Variants in ATRNL1 observed in about 807,000 individuals in gnomAD.
The protein encoded by ATRNL1 is attractin-like protein 1.
ATRNL1 carries 95 observed loss-of-function variants against 182.7 expected under a neutral mutation model. That is an observed-to-expected ratio of 0.52 (90% CI 0.44 to 0.62). The LOEUF (loss-of-function observed/expected upper bound fraction) is 0.62. Among genes scored for constraint, ATRNL1 ranks in the 20% least tolerant of loss-of-function variants. The probability of loss-of-function intolerance (pLI) is 0.00; values close to 1 mark genes in which losing one functional copy is unlikely to be tolerated. For missense variants in ATRNL1, 1,471 were observed against 1,679.5 expected (o/e 0.88, Z 2.17); for synonymous variants, 576 against 568.3 (o/e 1.01, Z -0.19).
chr10:115,334,684 CACCT>C (rs575096036), intron 19 of ATRNL1, among the ~76,000 whole-genome samples: 288 of 151,990 alleles, frequency 1.9e-3, no homozygotes, highest in Non-Finnish European at 3.4e-3. Context: ...AAAGAAAAAA[CACCT>C]ACTATCTCAC....
intron 19 of ATRNL1, among the ~76,000 whole-genome samples, chr10:115,371,336 C>CT (rs34312992): frequency 0.22 from 33,131 of 152,058 alleles, 4,615 homozygotes; most frequent in Non-Finnish European, 0.31. Flanking sequence ...TCACCAACAG[C>CT]TGGCACCCTG....
chr10:115,394,613 G>A, intron 19 of ATRNL1, 46 bp from the exon 20 acceptor site: 1 of 1,363,654 alleles, frequency 7.3e-7, no homozygotes, highest in Non-Finnish European at 1.0e-6. Flanking sequence ...AAATGTGCAT[G>A]TTTGTGATGT....
At chr10:115,327,804 A>C (rs1178584770) in intron 18 of ATRNL1, among the ~76,000 whole-genome samples, 3 of 152,084 alleles carry the variant, frequency 2.0e-5, no homozygotes, top group African/African-American at 7.2e-5. Flanking sequence ...ATGAAATTGG[A>C]AATCATCATT....
chr10:115,726,374 A>C (rs1326689797), intron 26 of ATRNL1, among the ~76,000 whole-genome samples: 1 of 148,468 alleles, frequency 6.7e-6, no homozygotes, highest in Non-Finnish European at 1.5e-5. Flanking sequence ...TAATTGCATC[A>C]CACGTCCTAT....
At chr10:115,627,328 T>C (rs1055975247) in intron 26 of ATRNL1, among the ~76,000 whole-genome samples, 2 of 152,166 alleles carry the variant, frequency 1.3e-5, no homozygotes, top group African/African-American at 4.8e-5. Context: ...TCACTTATCT[T>C]TACGTTTTTG....
intron 13 of ATRNL1, among the ~76,000 whole-genome samples, chr10:115,269,752 A>G (rs1462123376): frequency 6.6e-6 from 1 of 152,170 alleles, no homozygotes; most frequent in Non-Finnish European, 1.5e-5. Flanking sequence ...GAAAGTATCT[A>G]CTTGTTTTTC....
intron 27 of ATRNL1, among the ~76,000 whole-genome samples, chr10:115,824,427 T>C (rs1016445850): frequency 2.2e-4 from 33 of 151,784 alleles, no homozygotes; most frequent in African/African-American, 6.1e-4. Context: ...AACTGGAAAA[T>C]GGGATCTAAT....
intron 20 of ATRNL1, among the ~76,000 whole-genome samples, chr10:115,402,779 A>G (rs1387647585): frequency 6.6e-6 from 1 of 152,122 alleles, no homozygotes; most frequent in African/African-American, 2.4e-5. Context: ...TCTGTTCCTT[A>G]TACCTTTCCC....
At chr10:115,663,189 C>T (rs933619313) in intron 26 of ATRNL1, among the ~76,000 whole-genome samples, 1 of 151,996 alleles carries the variant, frequency 6.6e-6, no homozygotes, top group East Asian at 1.9e-4. Context: ...ATTATTTCCA[C>T]TTATCCAGTG....
intron 26 of ATRNL1, among the ~76,000 whole-genome samples, chr10:115,717,555 T>TTC: frequency 7.3e-6 from 1 of 136,694 alleles, no homozygotes; most frequent in East Asian, 2.3e-4. Flanking sequence ...GTTCTTTTTT[T>TTC]TTTTTTTTTT....
intron 10 of ATRNL1, among the ~76,000 whole-genome samples, chr10:115,255,150 A>T (rs570713857): frequency 2.0e-4 from 30 of 152,278 alleles, no homozygotes; most frequent in Admixed American, 1.4e-3. Flanking sequence ...ACTTTAAAGT[A>T]GTTTTTTCCA....
chr10:115,711,712 A>G (rs182017787), intron 26 of ATRNL1, among the ~76,000 whole-genome samples: 115 of 152,318 alleles, frequency 7.5e-4, no homozygotes, highest in Middle Eastern at 3.4e-3. Context: ...AACAGGACAT[A>G]TATCAAATCA....
intron 8 of ATRNL1, among the ~76,000 whole-genome samples, chr10:115,191,946 C>CT (rs1280262037): frequency 6.6e-6 from 1 of 151,954 alleles, no homozygotes; most frequent in Admixed American, 6.6e-5. Context: ...AAAATAAGAT[C>CT]TTTTTTTCCC....
intron 24 of ATRNL1, among the ~76,000 whole-genome samples, chr10:115,484,876 T>C (rs782563549): frequency 1.3e-5 from 2 of 151,946 alleles, no homozygotes; most frequent in Non-Finnish European, 2.9e-5. Context: ...ATGTAAGATG[T>C]TTATTGACCT....
intron 19 of ATRNL1, among the ~76,000 whole-genome samples, chr10:115,383,694 A>G (rs1858165752): frequency 6.6e-6 from 1 of 152,010 alleles, no homozygotes; most frequent in African/African-American, 2.4e-5. Context: ...ATTCAGAAAT[A>G]TATTTTAAAT....
chr10:115,626,782 A>G (rs1858128435), intron 26 of ATRNL1, among the ~76,000 whole-genome samples: 1 of 152,040 alleles, frequency 6.6e-6, no homozygotes. Flanking sequence ...TTCAAACTCA[A>G]GTTATTGTAT....
At chr10:115,461,087 C>G (rs1307375675) in intron 21 of ATRNL1, among the ~76,000 whole-genome samples, 1 of 151,888 alleles carries the variant, frequency 6.6e-6, no homozygotes, top group Non-Finnish European at 1.5e-5. Flanking sequence ...AAAATAAATT[C>G]AGTTAATGTA....
chr10:115,278,385 C>G (rs183222899), intron 13 of ATRNL1, among the ~76,000 whole-genome samples: 267 of 152,342 alleles, frequency 1.8e-3, no homozygotes, highest in African/African-American at 6.3e-3. Context: ...GAGCAGCATT[C>G]TGAACCAAGA....
At chr10:115,362,624 C>A (rs1856803508) in intron 19 of ATRNL1, among the ~76,000 whole-genome samples, 1 of 151,844 alleles carries the variant, frequency 6.6e-6, no homozygotes, top group South Asian at 2.1e-4. Context: ...CACCCACTAA[C>A]TCGTCATCTA....
Sources: gnomAD v4.1 joint callset for allele counts (sites outside exome capture counted in the v4.1 genomes callset) on GRCh38, gnomAD v4.1.1 for gene constraint, MANE v1.5 for transcripts, NCBI Gene and HGNC (gene_info 2026-07-23, HGNC 2026-07-21) for gene names.